MTHFD1: variants seen among roughly 807,000 people sequenced by gnomAD.
The protein encoded by MTHFD1 is C-1-tetrahydrofolate synthase, cytoplasmic.
Under a neutral mutation model 110.3 loss-of-function variants are expected in MTHFD1, and 44 were observed. That is an observed-to-expected ratio of 0.40 (90% CI 0.31 to 0.51). MTHFD1 has a LOEUF of 0.51. MTHFD1 is among the 20% of genes least tolerant of loss of function. The pLI is 0.60. For synonymous variants in MTHFD1, 402 were observed against 428.8 expected (o/e 0.94, Z 0.77); for missense variants, 909 against 1,173.1 (o/e 0.77, Z 3.29).
intron 1 of MTHFD1, among the ~76,000 whole-genome samples, chr14:64,397,439 C>G (rs1166689372): frequency 6.6e-6 from 1 of 151,444 alleles, no homozygotes; most frequent in Non-Finnish European, 1.5e-5. Context: ...ACTACAGGCG[C>G]GTGCCACCAC....
intron 17 of MTHFD1, chr14:64,439,389 T>C: frequency 1.7e-6 from 1 of 587,382 alleles, no homozygotes; most frequent in Non-Finnish European, 3.1e-6. Context: ...CCCGGCATTT[T>C]TTCCTGGAGG....
At chr14:64,444,850 G>C in intron 22 of MTHFD1, 116 bp downstream of exon 22, 2 of 1,087,150 alleles carry the variant, frequency 1.8e-6, no homozygotes, top group Non-Finnish European at 2.8e-6. Flanking sequence ...AGGGTGCAGG[G>C]TGCCAAAAGG....
chr14:64,449,052 G>A (rs1037472820), intron 23 of MTHFD1: 24 of 320,754 alleles, frequency 7.5e-5, no homozygotes, highest in Non-Finnish European at 1.5e-4. Flanking sequence ...TCCCACCTCG[G>A]CCTCCCAAAG....
chr14:64,427,681 G>A (rs1458517238), intron 12 of MTHFD1, among the ~76,000 whole-genome samples: 1 of 152,194 alleles, frequency 6.6e-6, no homozygotes, highest in Non-Finnish European at 1.5e-5. Flanking sequence ...CCACTGCACA[G>A]GGATTCTCTG....
chr14:64,453,678 G>C, intron 24 of MTHFD1, 76 bp from the exon 25 acceptor site: 1 of 846,744 alleles, frequency 1.2e-6, no homozygotes, highest in South Asian at 1.4e-5. Flanking sequence ...CTCTGACCTA[G>C]AATGTGGCTA....
At position 64,441,421 on chromosome 14, in the gene MTHFD1, G is replaced by T. The variant is rs749749972; in HGVS notation, c.1852G>T (p.Ala618Ser). ...SGALTVLMKD[A>S]IKPNLMQTLE... ...TGCACTGACAGTGCTTATGAAGGAC[G>T]CAATCAAGCCCAATCTCATGCAGAC... The change falls in exon 19 of 28, where the codon GCA becomes TCA. Residue 618 changes from alanine (A) to serine (S), a missense_variant. Physicochemically the swap from Ala to Ser is moderately conservative, Grantham distance 99. Transcript: ENST00000652337. The T allele has an allele frequency of 6.2e-7, 1 of 1,613,992 alleles. No individual in the cohort carries two copies. The highest frequency in any genetic ancestry group is 1.1e-5 in the South Asian group (1 of 91,086).
intron 2 of MTHFD1, among the ~76,000 whole-genome samples, chr14:64,401,468 C>T (rs971286064): frequency 2.0e-5 from 3 of 152,134 alleles, no homozygotes; most frequent in Middle Eastern, 3.4e-3. Flanking sequence ...TTTGGGAGGC[C>T]GAGGTGGGCA....
At chr14:64,451,580 G>C (rs180840922) in intron 24 of MTHFD1, among the ~76,000 whole-genome samples, 1 of 152,216 alleles carries the variant, frequency 6.6e-6, no homozygotes, top group Non-Finnish European at 1.5e-5. Flanking sequence ...CAAATGCAAA[G>C]CATTTATAGG....
intron 23 of MTHFD1, among the ~76,000 whole-genome samples, chr14:64,448,783 A>G (rs1162347683): frequency 6.7e-6 from 1 of 148,912 alleles, no homozygotes; most frequent in East Asian, 2.0e-4. Flanking sequence ...TCACCGTAGT[A>G]GAATGGGAAG....
rs779871054 is a variant in MTHFD1 at position 64,458,335 on chromosome 14, C to G, written c.*4+28C>G. ...AAGTTGTTACTGGGTAATAATTTGG[C>G]TTTTTTCCTCATGTAGCTTATTTAT... On this transcript the variant is annotated intron_variant, in intron 27 of 27. Transcript: ENST00000652337. The G allele has an allele frequency of 8.4e-6, 12 of 1,421,922 alleles. No individual in the cohort carries two copies. In the Admixed American group the frequency reaches 1.3e-4, roughly 16 times the overall value. The allele number at this position is 1,421,922 out of a possible 1,614,324, so 88.1% of individuals were successfully genotyped here. A position where few individuals can be genotyped will look rare whatever the true frequency, so the allele number is the denominator to read the frequency against.
At chr14:64,444,932 C>CAATTG in intron 22 of MTHFD1, 198 bp downstream of exon 22, 1 of 622,220 alleles carries the variant, frequency 1.6e-6, no homozygotes. Context: ...AGAATTGTCC[C>CAATTG]ACATAGGGTG....
At position 64,459,574 on chromosome 14, in the gene MTHFD1, A is replaced by G. The variant is rs143975333; in HGVS notation, c.*5-185A>G. On this transcript the variant is annotated intron_variant, in intron 27 of 27. Transcript: ENST00000652337. ...TCTTGAACAGTATTCACACAGTACT[A>G]TGGAAATACCATGCATCATTTTCAA... 4.3e-3 allele frequency among the ~76,000 whole-genome samples: 648 copies of G among 152,328 alleles called. 5 individuals are homozygous for G. Among genetic ancestry groups the G allele is most frequent in the African/African-American group, 0.014 (596 of 41,578 alleles).
chr14:64,412,789 C>T (rs1233150618), intron 4 of MTHFD1, among the ~76,000 whole-genome samples: 4 of 151,882 alleles, frequency 2.6e-5, no homozygotes, highest in East Asian at 3.9e-4. Context: ...AGGCGCCCAC[C>T]GCCTCACCTG....
At chr14:64,447,319 T>C (rs571999697) in intron 22 of MTHFD1, among the ~76,000 whole-genome samples, 319 of 151,234 alleles carry the variant, frequency 2.1e-3, no homozygotes, top group African/African-American at 7.4e-3. Flanking sequence ...CCACACCTAG[T>C]TAATTTTTAT....
chr14:64,425,353 C>T (rs976131397), intron 9 of MTHFD1, among the ~76,000 whole-genome samples: 7 of 151,972 alleles, frequency 4.6e-5, no homozygotes, highest in African/African-American at 1.2e-4. Flanking sequence ...GCTGGGATTA[C>T]AGGTGTGCAC....
At chr14:64,441,217 C>A in intron 18 of MTHFD1, 168 bp from the exon 19 acceptor site, 1 of 695,646 alleles carries the variant, frequency 1.4e-6, no homozygotes, top group Non-Finnish European at 2.6e-6. Context: ...TAATAATTGG[C>A]AACTTCATAG....
chr14:64,456,028 T>C (rs2078467286), intron 26 of MTHFD1, among the ~76,000 whole-genome samples: 1 of 152,212 alleles, frequency 6.6e-6, no homozygotes, highest in Non-Finnish European at 1.5e-5. Flanking sequence ...TGCAGAAATA[T>C]GTGTTGTTCT....
At chr14:64,452,106 A>C (rs1395127981) in intron 24 of MTHFD1, among the ~76,000 whole-genome samples, 1 of 152,130 alleles carries the variant, frequency 6.6e-6, no homozygotes, top group African/African-American at 2.4e-5. Flanking sequence ...GACCAGCCTG[A>C]CCAAGATGGT....
chr14:64,425,081 A>T lies in MTHFD1; in HGVS notation c.855+150A>T. 5 of 987,928 alleles carry T rather than the reference A, an allele frequency of 5.1e-6. No homozygotes were observed. The South Asian group carries it at 6.0e-5, about 12-fold the overall frequency. 61.2% of individuals were successfully genotyped at this position (987,928 alleles called of 1,614,324 possible). ...GGGAAGGGAAGAATAGAGAAATAAG[A>T]TCAGGCACATTAATAGAGGAAAGTA... On this transcript the variant is annotated intron_variant, in intron 9 of 27. Coordinates refer to ENST00000652337, the MANE Select transcript of MTHFD1 (RefSeq NM_005956.4).
Sources: allele counts gnomAD v4.1 joint callset (sites outside exome capture counted in the v4.1 genomes callset), GRCh38; gene constraint gnomAD v4.1.1; transcripts MANE v1.5; gene names NCBI Gene and HGNC (gene_info 2026-07-23, HGNC 2026-07-21).